NDUFB2: variants seen among roughly 807,000 people sequenced by gnomAD.
NDUFB2 encodes the protein NADH:ubiquinone oxidoreductase subunit B2, also known as NADH dehydrogenase [ubiquinone] 1 beta subcomplex subunit 2, mitochondrial.
Under a neutral mutation model 13.4 loss-of-function variants are expected in NDUFB2, and 13 were observed. The observed-to-expected ratio is 0.97, with a 90% confidence interval of 0.63 to 1.54. NDUFB2 has a LOEUF of 1.54. Ranked by LOEUF, NDUFB2 falls within the 40% of genes most tolerant of loss-of-function variation. The pLI is 0.00. For synonymous variants in NDUFB2, 47 were observed against 50.6 expected (o/e 0.93, Z 0.30); for missense variants, 150 against 139.7 (o/e 1.07, Z -0.37).
intron 1 of NDUFB2, 91 bp downstream of exon 1, chr7:140,696,933 A>G (rs1489905204): frequency 8.2e-7 from 1 of 1,224,636 alleles, no homozygotes; most frequent in Non-Finnish European, 1.2e-6. Context: ...GGGCGCCTGA[A>G]GAGGCCGCGT....
chr7:140,697,124 G>A, intron 1 of NDUFB2: 1 of 592,810 alleles, frequency 1.7e-6, no homozygotes, highest in South Asian at 2.0e-5. Flanking sequence ...ATGCGGAGCG[G>A]GCTGAGCCAG....
chr7:140,702,054 G>T (rs116056932), intron 1 of NDUFB2: 1 of 702,188 alleles, frequency 1.4e-6, no homozygotes, highest in African/African-American at 1.7e-5. Flanking sequence ...TTTTCCTACA[G>T]GTACGAATTT....
intron 1 of NDUFB2, 104 bp downstream of exon 1, chr7:140,696,946 C>A (rs534475723): frequency 9.4e-6 from 10 of 1,064,102 alleles, no homozygotes; most frequent in Non-Finnish European, 1.4e-5. Context: ...GGCCGCGTCC[C>A]GAGGCATGCT....
At chr7:140,697,921 A>G (rs896294319) in intron 1 of NDUFB2, among the ~76,000 whole-genome samples, 4 of 152,146 alleles carry the variant, frequency 2.6e-5, no homozygotes, top group African/African-American at 9.7e-5. Context: ...TGCAGCCTCT[A>G]ACTCCTGGGC....
At chr7:140,699,140 A>G (rs1408579494) in intron 1 of NDUFB2, among the ~76,000 whole-genome samples, 1 of 152,214 alleles carries the variant, frequency 6.6e-6, no homozygotes, top group Non-Finnish European at 1.5e-5. Context: ...CCTGGGTGAC[A>G]GAGTGAGACC....
intron 1 of NDUFB2, chr7:140,700,193 A>G (rs6977834): frequency 0.3 from 45,677 of 151,878 alleles, 10,757 homozygotes; most frequent in African/African-American, 0.66. Context: ...GCACGATCTC[A>G]GCTCACCACA....
intron 1 of NDUFB2, among the ~76,000 whole-genome samples, chr7:140,701,618 C>T (rs574651550): frequency 2.0e-5 from 3 of 151,270 alleles, no homozygotes; most frequent in African/African-American, 4.9e-5. Flanking sequence ...CTAGCCTGGG[C>T]GACAGAGCCT....
intron 1 of NDUFB2, 30 bp downstream of exon 1, chr7:140,696,872 G>A: frequency 6.4e-7 from 1 of 1,570,980 alleles, no homozygotes. Flanking sequence ...TGGGGGCCTC[G>A]CCGGCCTGTA....
At chr7:140,699,683 C>T (rs765404220) in intron 1 of NDUFB2, among the ~76,000 whole-genome samples, 2 of 151,904 alleles carry the variant, frequency 1.3e-5, no homozygotes, top group Admixed American at 1.3e-4. Context: ...GGTTCAAGGG[C>T]TCCCGGTGAA....
At chr7:140,697,139 C>T (rs888656735) in intron 1 of NDUFB2, 57 of 585,220 alleles carry the variant, frequency 9.7e-5, no homozygotes, top group Non-Finnish European at 1.4e-4. Flanking sequence ...AGCCAGTCGG[C>T]GCCGGCGCGG....
chr7:140,696,905 A>T (rs1794816120), intron 1 of NDUFB2, 63 bp downstream of exon 1: 8 of 1,471,312 alleles, frequency 5.4e-6, no homozygotes, highest in Non-Finnish European at 7.4e-6. Flanking sequence ...GGTCCCTGGG[A>T]CGCTCTCACC....
In NDUFB2 at chr7:140,697,019, A is replaced by C. The variant is rs1794818562; in HGVS notation, c.98+177A>C. 1.8e-5 allele frequency: 11 copies of C among 622,852 alleles called. No homozygotes were observed. In the South Asian group the frequency reaches 2.1e-4, roughly 12 times the overall value. The allele number at this position is 622,852 out of a possible 1,614,324, so 38.6% of individuals were successfully genotyped here. On this transcript the variant is annotated intron_variant, in intron 1 of 3. Coordinates refer to ENST00000247866, the MANE Select transcript of NDUFB2 (RefSeq NM_004546.3). ...CGAGGAGAGGGACCCCGCTGGCCGG[A>C]GGGAGAGGGAGAGACTTCGCTGGGC...
rs896377342 is a variant in NDUFB2, at chr7:140,698,302, G to C, written c.98+1460G>C. The stretch of plus-strand genomic sequence containing the variant: ...TTGTTCGTAACACACACTTGTTTCA[G>C]AGTGTGTGATAATTAAGTGCATAAA... On this transcript the variant is annotated intron_variant, in intron 1 of 3. Coordinates refer to ENST00000247866, the MANE Select transcript of NDUFB2 (RefSeq NM_004546.3). The C allele has an allele frequency of 5.2e-6, 7 of 1,350,490 alleles. No individual in the cohort carries two copies. The African/African-American group carries it at 5.9e-5, about 11-fold the overall frequency. 83.7% of individuals were successfully genotyped at this position (1,350,490 alleles called of 1,614,324 possible).
Position 140,704,710 on chromosome 7 carries a change from A to G in NDUFB2, c.244-150A>G, listed in dbSNP as rs898710548. 3 of 539,206 alleles carry G rather than the reference A, an allele frequency of 5.6e-6. No individual in the cohort carries two copies. In the African/African-American group the frequency reaches 6.0e-5, roughly 11 times the overall value. The allele number at this position is 539,206 out of a possible 1,614,324, so 33.4% of individuals were successfully genotyped here. On this transcript the variant is annotated intron_variant, in intron 2 of 3. Transcript: ENST00000247866. ...GAACAAACTAAAGAACAGGTGGGCC[A>G]TCGAATAATTAAAGTAGAATTTGTT...
chr7:140,701,671 G>A (rs977721061), intron 1 of NDUFB2, among the ~76,000 whole-genome samples: 7 of 152,052 alleles, frequency 4.6e-5, no homozygotes, highest in African/African-American at 1.2e-4. Context: ...CGTGGCTCAC[G>A]CCTGTAATCC....
intron 1 of NDUFB2, among the ~76,000 whole-genome samples, chr7:140,697,639 A>G (rs1244753221): frequency 1.3e-5 from 2 of 152,158 alleles, no homozygotes; most frequent in African/African-American, 4.8e-5. Flanking sequence ...ATCATCAGCT[A>G]CACTTTACCA....
chr7:140,703,628 C>A (rs1485102879), intron 2 of NDUFB2, among the ~76,000 whole-genome samples: 1 of 152,054 alleles, frequency 6.6e-6, no homozygotes, highest in Non-Finnish European at 1.5e-5. Context: ...GGTTAGGTTT[C>A]ACACTTAAAT....
At chr7:140,697,954 C>A in intron 1 of NDUFB2, 2 of 1,262,018 alleles carry the variant, frequency 1.6e-6, no homozygotes, top group Non-Finnish European at 2.1e-6. Flanking sequence ...CCAGCCTCGG[C>A]CTCCCAAAGT....
rs766581229 is a variant in NDUFB2 at position 140,696,880 on chromosome 7, G to A, written c.98+38G>A. The A allele has an allele frequency of 2.6e-6, 4 of 1,552,310 alleles. No individual in the cohort carries two copies. In the South Asian group the frequency reaches 4.7e-5, roughly 18 times the overall value. ...CTGGGGATGGGGGCCTCGCCGGCCT[G>A]TAGCGGACAGCGCGGGTCCCTGGGA... On this transcript the variant is annotated intron_variant, in intron 1 of 3. Coordinates refer to ENST00000247866, the MANE Select transcript of NDUFB2 (RefSeq NM_004546.3).
Sources: allele counts gnomAD v4.1 joint callset (sites outside exome capture counted in the v4.1 genomes callset), GRCh38; gene constraint gnomAD v4.1.1; transcripts MANE v1.5; gene names NCBI Gene and HGNC (gene_info 2026-07-23, HGNC 2026-07-21).